Variants in GABRB3 observed in about 807,000 individuals in gnomAD.
The protein encoded by GABRB3 is gamma-aminobutyric acid receptor subunit beta-3.
A neutral mutation model predicts 52.1 loss-of-function variants in GABRB3; 14 were observed. That is an observed-to-expected ratio of 0.27 (90% CI 0.18 to 0.42). GABRB3 has a LOEUF of 0.42. GABRB3 is among the 10% of genes least tolerant of loss of function. GABRB3 has a pLI of 1.00. For missense variants in GABRB3, 307 were observed against 609.1 expected (o/e 0.50, Z 5.22); for synonymous variants, 260 against 232.3 (o/e 1.12, Z -1.08).
At chr15:26,579,177 G>A (rs534004048) in intron 6 of GABRB3, among the ~76,000 whole-genome samples, 1 of 152,254 alleles carries the variant, frequency 6.6e-6, no homozygotes, top group Non-Finnish European at 1.5e-5. Context: ...GGACACATTG[G>A]GCATTACTCA....
intron 3 of GABRB3, among the ~76,000 whole-genome samples, chr15:26,712,178 C>CTTT (rs3046011): frequency 2.0e-5 from 3 of 146,510 alleles, no homozygotes; most frequent in Non-Finnish European, 1.5e-5. Flanking sequence ...ACTTTTCTTT[C>CTTT]TTTTTTTTTT....
At chr15:26,605,588 G>C (rs1891758451) in intron 4 of GABRB3, among the ~76,000 whole-genome samples, 1 of 152,174 alleles carries the variant, frequency 6.6e-6, no homozygotes, top group African/African-American at 2.4e-5. Flanking sequence ...ATAAGTCCAA[G>C]TCATAAAAAT....
At chr15:26,647,335 G>A (rs1318284463) in intron 3 of GABRB3, among the ~76,000 whole-genome samples, 1 of 152,212 alleles carries the variant, frequency 6.6e-6, no homozygotes, top group African/African-American at 2.4e-5. Flanking sequence ...ATTTCAAAGA[G>A]CTGAAGTTTT....
intron 3 of GABRB3, among the ~76,000 whole-genome samples, chr15:26,652,793 T>C (rs541399758): frequency 2.2e-4 from 33 of 152,210 alleles, no homozygotes; most frequent in African/African-American, 7.7e-4. Context: ...ACAATGAAAA[T>C]GTTTATTCAC....
At chr15:26,581,581 T>TGG (rs1890791523) in intron 5 of GABRB3, among the ~76,000 whole-genome samples, 1 of 152,116 alleles carries the variant, frequency 6.6e-6, no homozygotes, top group South Asian at 2.1e-4. Flanking sequence ...TGGGCCTTCA[T>TGG]CCCTCCTTTC....
chr15:26,770,815 G>GT (rs1445464863), intron 3 of GABRB3, among the ~76,000 whole-genome samples: 1 of 152,152 alleles, frequency 6.6e-6, no homozygotes, highest in Non-Finnish European at 1.5e-5. Flanking sequence ...GATCTTAAAT[G>GT]TATTAACTTG....
rs1474694263 is a variant in GABRB3, at chr15:26,773,050, G to A, written c.-88C>T. ...GGCTGCTCCTGCTGCTGCCGCCGCCGCCGCCGCCGCCGCGCTGGCCCGGAG... is the reference window on the plus strand; with the variant it reads ...GGCTGCTCCTGCTGCTGCCGCCGCCACCGCCGCCGCCGCGCTGGCCCGGAG... On this transcript the variant is annotated 5_prime_UTR_variant, in exon 1 of 9. Transcript: ENST00000311550. 8.4e-6 allele frequency: 9 copies of A among 1,073,884 alleles called. No homozygotes were observed. Among genetic ancestry groups the A allele is most frequent in the Admixed American group, 1.1e-4 (2 of 18,898 alleles). The allele number at this position is 1,073,884 out of a possible 1,614,324, so 66.5% of individuals were successfully genotyped here.
Position 26,695,248 on chromosome 15 carries a change from G to A in GABRB3, c.241-73714C>T, listed in dbSNP as rs74248621. On this transcript the variant is annotated intron_variant, in intron 3 of 8. Transcript: ENST00000311550. ...CAAACTGCAGAAAACCAAGGACCGA[G>A]AGAAGATCTTCAAGAAAGTCAGAAG... 2.4e-3 allele frequency among the ~76,000 whole-genome samples: 362 copies of A among 152,174 alleles called. 4 individuals are homozygous for A. In the East Asian group the frequency reaches 0.056, roughly 24 times the overall value.
chr15:26,761,775 A>G (rs926016568), intron 3 of GABRB3, among the ~76,000 whole-genome samples: 2 of 151,972 alleles, frequency 1.3e-5, no homozygotes, highest in African/African-American at 4.8e-5. Context: ...AAATTAAGCT[A>G]CTATTGTTGA....
At chr15:26,698,988 C>A (rs1051287095) in intron 3 of GABRB3, among the ~76,000 whole-genome samples, 8 of 151,770 alleles carry the variant, frequency 5.3e-5, no homozygotes, top group African/African-American at 1.9e-4. Flanking sequence ...TTTAATAAAA[C>A]TAAGAGAAAA....
intron 6 of GABRB3, among the ~76,000 whole-genome samples, chr15:26,572,402 G>C (rs1364079680): frequency 6.6e-6 from 1 of 152,214 alleles, no homozygotes; most frequent in Non-Finnish European, 1.5e-5. Flanking sequence ...ATGAAGGAGA[G>C]CTTTCAAGGT....
rs1296942517 is a variant in GABRB3, at chr15:26,583,316, A to C, written c.544+16T>G. On this transcript the variant is annotated intron_variant, in intron 5 of 8. Coordinates refer to ENST00000311550, the MANE Select transcript of GABRB3 (RefSeq NM_000814.6). Reference sequence around the variant, plus strand: ...TACAAATAGGAGGAGAAAGAAACACAGATACGGATACACACAGCTTTCAAT... The same window carrying C: ...TACAAATAGGAGGAGAAAGAAACACCGATACGGATACACACAGCTTTCAAT... 1 of 1,596,642 alleles carries C rather than the reference A, an allele frequency of 6.3e-7. No homozygotes were observed. The highest frequency in any genetic ancestry group is 8.6e-7 in the Non-Finnish European group (1 of 1,164,074).
chr15:26,738,188 T>C (rs925529850), intron 3 of GABRB3, among the ~76,000 whole-genome samples: 1 of 151,794 alleles, frequency 6.6e-6, no homozygotes, highest in African/African-American at 2.4e-5. Flanking sequence ...GTTCCAGCAA[T>C]TCTCCTGCCT....
intron 3 of GABRB3, among the ~76,000 whole-genome samples, chr15:26,730,519 A>G (rs1216749461): frequency 1.3e-5 from 2 of 151,770 alleles, no homozygotes; most frequent in Non-Finnish European, 2.9e-5. Context: ...GTCACGTCCC[A>G]TTGTGGAGAG....
chr15:26,757,940 C>T lies in GABRB3; in HGVS notation c.240+14462G>A, dbSNP rs147853596. On this transcript the variant is annotated intron_variant, in intron 3 of 8. Transcript: ENST00000311550. ...GTTTTGCCATACATATTCACAAAAC[C>T]AGTCCCTTACAAGCCCTCTTCTCTA... 1.8e-4 allele frequency among the ~76,000 whole-genome samples: 28 copies of T among 152,242 alleles called. No homozygotes were observed. In the East Asian group the frequency reaches 5.2e-3, roughly 28 times the overall value.
intron 4 of GABRB3, among the ~76,000 whole-genome samples, chr15:26,609,178 A>G (rs963188052): frequency 9.2e-5 from 14 of 151,960 alleles, no homozygotes; most frequent in African/African-American, 2.9e-4. Context: ...AAATTTTGTC[A>G]GTTGGGACAA....
intron 3 of GABRB3, among the ~76,000 whole-genome samples, chr15:26,655,098 A>T: frequency 6.6e-6 from 1 of 152,178 alleles, no homozygotes; most frequent in East Asian, 1.9e-4. Context: ...CTATCTTGAG[A>T]TAAGGATTGT....
chr15:26,607,826 A>T (rs1891895702), intron 4 of GABRB3, among the ~76,000 whole-genome samples: 1 of 152,064 alleles, frequency 6.6e-6, no homozygotes. Flanking sequence ...AAAATAAATA[A>T]AAAAAGATAC....
rs1889768233 is a variant in GABRB3, at chr15:26,556,770, C to G, written c.1080+4162G>C. 3.3e-5 allele frequency among the ~76,000 whole-genome samples: 5 copies of G among 152,166 alleles called. 1 individual carries two copies. In the South Asian group the frequency reaches 1.0e-3, roughly 32 times the overall value. On this transcript the variant is annotated intron_variant, in intron 8 of 8. Coordinates refer to ENST00000311550, the MANE Select transcript of GABRB3 (RefSeq NM_000814.6). ...TACTCATGGTTTTACAGTAGGGTCA[C>G]TAAAACCATAGTACCAAGAGGCAGT...
Sources: allele counts gnomAD v4.1 joint callset (sites outside exome capture counted in the v4.1 genomes callset), GRCh38; gene constraint gnomAD v4.1.1; transcripts MANE v1.5; gene names NCBI Gene and HGNC (gene_info 2026-07-23, HGNC 2026-07-21).